Variants in GNA14 observed in about 807,000 individuals in gnomAD.
GNA14 encodes the protein guanine nucleotide-binding protein subunit alpha-14.
A neutral mutation model predicts 42.0 loss-of-function variants in GNA14; 50 were observed. The observed-to-expected ratio is 1.19, with a 90% confidence interval of 0.95 to 1.51. The LOEUF (loss-of-function observed/expected upper bound fraction) is 1.51. GNA14 is among the 40% of genes most tolerant of loss of function. The probability of loss-of-function intolerance (pLI) is 0.00; values close to 1 mark genes in which losing one functional copy is unlikely to be tolerated. For missense variants in GNA14, 473 were observed against 446.2 expected (o/e 1.06, Z -0.54); for synonymous variants, 173 against 163.1 (o/e 1.06, Z -0.46).
intron 1 of GNA14, among the ~76,000 whole-genome samples, chr9:77,588,686 A>G (rs1564060686): frequency 6.6e-6 from 1 of 152,230 alleles, no homozygotes; most frequent in Admixed American, 6.5e-5. Flanking sequence ...CACACATAGC[A>G]TAAAAGTTGC....
intron 2 of GNA14, among the ~76,000 whole-genome samples, chr9:77,450,834 C>A (rs549727342): frequency 2.2e-4 from 33 of 151,808 alleles, no homozygotes; most frequent in Non-Finnish European, 3.7e-4. Context: ...GGGTTTTTCC[C>A]GTGCTGTTCT....
chr9:77,525,831 C>T (rs4745640), intron 2 of GNA14, among the ~76,000 whole-genome samples: 61,175 of 150,210 alleles, frequency 0.41, 13,383 homozygotes, highest in Admixed American at 0.5. Context: ...AGCCACCGCA[C>T]CCGGCCGTGC....
At chr9:77,478,969 C>T (rs1338837684) in intron 2 of GNA14, among the ~76,000 whole-genome samples, 9 of 152,100 alleles carry the variant, frequency 5.9e-5, no homozygotes, top group African/African-American at 1.2e-4. Context: ...TTCTCCCATT[C>T]TGTAGGTTGC....
chr9:77,454,577 A>ATT lies in GNA14; in HGVS notation c.310-20057_310-20056dup, dbSNP rs35309093. 8.2e-4 allele frequency among the ~76,000 whole-genome samples: 106 copies of ATT among 128,608 alleles called. 1 individual carries two copies. Among genetic ancestry groups the ATT allele is most frequent in the African/African-American group, 2.0e-3 (70 of 34,712 alleles). 84.4% of individuals were successfully genotyped at this position (128,608 alleles called of 152,430 possible). A position where few individuals can be genotyped will look rare whatever the true frequency, so the allele number is the denominator to read the frequency against. On this transcript the variant is annotated intron_variant, in intron 2 of 6. Transcript: ENST00000341700. ...ATTTTGGTGGCAACTGGCCATCAGGATTTTTTTTTTTTTTTTTTTTGGAAG... is the reference window on the plus strand; with the variant it reads ...ATTTTGGTGGCAACTGGCCATCAGGATTTTTTTTTTTTTTTTTTTTTTGGAAG...
At chr9:77,473,799 A>T (rs553567283) in intron 2 of GNA14, among the ~76,000 whole-genome samples, 7 of 152,334 alleles carry the variant, frequency 4.6e-5, no homozygotes, top group African/African-American at 1.7e-4. Context: ...ACAGTGTGGT[A>T]CTGGCATAAG....
chr9:77,476,301 G>C (rs1049039442), intron 2 of GNA14, among the ~76,000 whole-genome samples: 1 of 152,170 alleles, frequency 6.6e-6, no homozygotes, highest in Admixed American at 6.5e-5. Context: ...CAGAATATCA[G>C]AGTACTGAAA....
intron 1 of GNA14, among the ~76,000 whole-genome samples, chr9:77,585,516 C>T (rs139437347): frequency 1.3e-5 from 2 of 152,198 alleles, no homozygotes; most frequent in Non-Finnish European, 2.9e-5. Context: ...CTGGGTAGCT[C>T]CCCATAACTG....
chr9:77,444,117 G>A (rs377227066), intron 2 of GNA14, among the ~76,000 whole-genome samples: 2 of 152,224 alleles, frequency 1.3e-5, no homozygotes, highest in South Asian at 2.1e-4. Flanking sequence ...CTTGCACCGT[G>A]CTGGCTTAGC....
chr9:77,554,832 G>A (rs1486845597), intron 1 of GNA14, among the ~76,000 whole-genome samples: 4 of 152,150 alleles, frequency 2.6e-5, no homozygotes, highest in Non-Finnish European at 5.9e-5. Context: ...ACAAAATCCT[G>A]TGCTAGAATT....
intron 1 of GNA14, among the ~76,000 whole-genome samples, chr9:77,538,034 T>C (rs535048222): frequency 2.0e-4 from 31 of 151,998 alleles, no homozygotes; most frequent in African/African-American, 7.2e-4. Context: ...TTATTCACTC[T>C]GTTGACTATT....
Position 77,428,339 on chromosome 9 carries a change from A to G in GNA14, c.723+568T>C, listed in dbSNP as rs571220630. On this transcript the variant is annotated intron_variant, in intron 5 of 6. Coordinates refer to ENST00000341700, the MANE Select transcript of GNA14 (RefSeq NM_004297.4). ...CGTGATCCACCTGCCTCGGCCTCCC[A>G]AAGTGCTGGGATTACAGGCGTGAGC... 3.2e-4 allele frequency among the ~76,000 whole-genome samples: 49 copies of G among 152,156 alleles called. 1 individual carries two copies. The highest frequency in any genetic ancestry group is 1.1e-3 in the African/African-American group (46 of 41,510).
At chr9:77,491,611 A>G (rs1180228421) in intron 2 of GNA14, among the ~76,000 whole-genome samples, 1 of 152,240 alleles carries the variant, frequency 6.6e-6, no homozygotes, top group Non-Finnish European at 1.5e-5. Flanking sequence ...AAGAGGATAT[A>G]ACAATTATAT....
At chr9:77,612,650 A>G (rs1054290970) in intron 1 of GNA14, among the ~76,000 whole-genome samples, 4 of 151,864 alleles carry the variant, frequency 2.6e-5, no homozygotes, top group African/African-American at 9.7e-5. Context: ...TACCTGTTAC[A>G]ATGGCTATTA....
intron 1 of GNA14, among the ~76,000 whole-genome samples, chr9:77,637,376 A>G (rs984613885): frequency 3.9e-5 from 6 of 152,226 alleles, no homozygotes; most frequent in African/African-American, 1.4e-4. Flanking sequence ...AAAAAAACAG[A>G]GATCTGGCCC....
chr9:77,640,568 G>C (rs1023208848), intron 1 of GNA14, among the ~76,000 whole-genome samples: 1 of 152,098 alleles, frequency 6.6e-6, no homozygotes, highest in African/African-American at 2.4e-5. Context: ...TCCACTGTCA[G>C]ATTTTTCCAC....
intron 1 of GNA14, among the ~76,000 whole-genome samples, chr9:77,539,356 C>T (rs2068648338): frequency 6.6e-6 from 1 of 152,070 alleles, no homozygotes. Context: ...GGTATAAATT[C>T]TAGTTGGTCA....
At chr9:77,472,307 T>C (rs1587782796) in intron 2 of GNA14, among the ~76,000 whole-genome samples, 1 of 152,148 alleles carries the variant, frequency 6.6e-6, no homozygotes, top group East Asian at 1.9e-4. Flanking sequence ...GCTATCACTT[T>C]CAAAAAACTC....
chr9:77,429,082 A>G (rs749088029), intron 4 of GNA14, 46 bp from the exon 5 acceptor site: 8 of 1,595,882 alleles, frequency 5.0e-6, no homozygotes, highest in Non-Finnish European at 6.9e-6. Flanking sequence ...AATACATGAC[A>G]CTTCGGGGAA....
chr9:77,425,454 T>C, intron 6 of GNA14, 108 bp downstream of exon 6: 3 of 725,890 alleles, frequency 4.1e-6, no homozygotes, highest in East Asian at 2.7e-5. Context: ...GGAGAGGCTA[T>C]TGCAGGCAGA....
Sources: gnomAD v4.1 joint callset for allele counts (sites outside exome capture counted in the v4.1 genomes callset) on GRCh38, gnomAD v4.1.1 for gene constraint, MANE v1.5 for transcripts, NCBI Gene and HGNC (gene_info 2026-07-23, HGNC 2026-07-21) for gene names.